The following SRPK1 variants were observed in gnomAD, a reference collection of about 807,000 sequenced individuals.
The protein encoded by SRPK1 is SFRS protein kinase 1.
Under a neutral mutation model 89.5 loss-of-function variants are expected in SRPK1, and 52 were observed. The observed-to-expected ratio is 0.58, with a 90% CI of 0.46 to 0.73. The LOEUF is 0.73. Among genes scored for constraint, SRPK1 ranks in the 30% least tolerant of loss-of-function variants. The pLI is 0.00. For missense variants in SRPK1, 603 were observed against 780.6 expected, an observed-to-expected ratio of 0.77 and a Z score of 2.71; for synonymous variants, 255 against 270.2, an observed-to-expected ratio of 0.94 and a Z score of 0.55.
chr6:35,849,898 A>G (rs1055235324), intron 13 of SRPK1, among the ~76,000 whole-genome samples: 8 of 152,212 alleles, frequency 5.3e-5, no homozygotes, highest in Non-Finnish European at 7.3e-5. Flanking sequence ...ATGGAAATTC[A>G]GTCATTTGCA....
chr6:35,918,247 T>C (rs1470653949), intron 2 of SRPK1, among the ~76,000 whole-genome samples: 2 of 152,212 alleles, frequency 1.3e-5, no homozygotes, highest in Admixed American at 6.5e-5. Flanking sequence ...ATGCCTGTAA[T>C]CCCAGCACTT....
chr6:35,901,903 C>A (rs1770748707), intron 2 of SRPK1, among the ~76,000 whole-genome samples: 1 of 152,106 alleles, frequency 6.6e-6, no homozygotes, highest in African/African-American at 2.4e-5. Context: ...AAATCTTAAG[C>A]TGGAACTAGG....
At chr6:35,916,521 T>G (rs1771106164) in intron 2 of SRPK1, among the ~76,000 whole-genome samples, 1 of 152,232 alleles carries the variant, frequency 6.6e-6, no homozygotes, top group East Asian at 1.9e-4. Flanking sequence ...AAGTATTTTC[T>G]CTTGTAAATT....
Position 35,832,987 on chromosome 6 carries a change from G to C in SRPK1, c.*2317C>G, listed in dbSNP as rs1414368713. 2.0e-5 allele frequency: 3 copies of C among 152,580 alleles called. No individual in the cohort carries two copies. The East Asian group carries it at 5.8e-4, about 29-fold the overall frequency. 9.5% of individuals were successfully genotyped at this position (152,580 alleles called of 1,614,324 possible). A position where few individuals can be genotyped will look rare whatever the true frequency, so the allele number is the denominator to read the frequency against. Reference sequence around the variant, plus strand: ...CCAATCTTTTCCTCCTTTTACTCAGGGCAGAGCAATTTGGACAACAAATGA... The same window carrying C: ...CCAATCTTTTCCTCCTTTTACTCAGCGCAGAGCAATTTGGACAACAAATGA... On this transcript the variant is annotated 3_prime_UTR_variant, in exon 16 of 16. Coordinates refer to ENST00000373825, the MANE Select transcript of SRPK1 (RefSeq NM_003137.5).
chr6:35,908,337 G>A (rs1299625857), intron 2 of SRPK1, among the ~76,000 whole-genome samples: 1 of 152,178 alleles, frequency 6.6e-6, no homozygotes, highest in African/African-American at 2.4e-5. Context: ...TGCTGATAGT[G>A]AGGTGAACAA....
intron 2 of SRPK1, among the ~76,000 whole-genome samples, chr6:35,913,969 C>CTCTTT (rs1771033769): frequency 3.2e-5 from 3 of 92,934 alleles, no homozygotes; most frequent in Non-Finnish European, 4.2e-5. Context: ...GATACTTTCT[C>CTCTTT]TTTTTTTTTT....
intron 6 of SRPK1, among the ~76,000 whole-genome samples, chr6:35,882,500 TAGAGAC>T (rs1770318148): frequency 6.6e-6 from 1 of 151,724 alleles, no homozygotes; most frequent in Non-Finnish European, 1.5e-5. Context: ...TTTATTTTTG[TAGAGAC>T]AGGGTCTTGC....
intron 2 of SRPK1, among the ~76,000 whole-genome samples, chr6:35,909,674 G>A (rs949029689): frequency 1.3e-5 from 2 of 152,342 alleles, no homozygotes; most frequent in African/African-American, 2.4e-5. Context: ...GAGAGACCAC[G>A]TGGGAGGTGA....
At chr6:35,865,881 C>T (rs1380894414) in intron 12 of SRPK1, among the ~76,000 whole-genome samples, 2 of 151,762 alleles carry the variant, frequency 1.3e-5, no homozygotes, top group African/African-American at 4.8e-5. Flanking sequence ...GGGACTTAAA[C>T]AAAAAAGCTT....
chr6:35,886,528 T>G (rs552374362), intron 6 of SRPK1, among the ~76,000 whole-genome samples, 196 bp downstream of exon 6: 43 of 152,320 alleles, frequency 2.8e-4, no homozygotes, highest in Non-Finnish European at 6.0e-4. Context: ...GACAAGAAGC[T>G]TAAAGCAATA....
At chr6:35,894,402 G>A (rs937972984) in intron 2 of SRPK1, among the ~76,000 whole-genome samples, 16 of 152,036 alleles carry the variant, frequency 1.1e-4, no homozygotes, top group East Asian at 5.8e-4. Flanking sequence ...CCATTATCCC[G>A]TAATATCTCT....
Position 35,838,035 on chromosome 6 carries a change from A to T in SRPK1, c.1783+302T>A, listed in dbSNP as rs755766994. ...AGGCGCCCGCCACTCTTCCCAGCTA[A>T]TTTTTTGTATTTTTAGTAGAGACGG... On this transcript the variant is annotated intron_variant, in intron 15 of 15. Coordinates refer to ENST00000373825, the MANE Select transcript of SRPK1 (RefSeq NM_003137.5). 3.8e-4 allele frequency among the ~76,000 whole-genome samples: 58 copies of T among 151,838 alleles called. 1 individual carries two copies. Among genetic ancestry groups the T allele is most frequent in the Non-Finnish European group, 7.4e-4 (50 of 67,938 alleles).
At chr6:35,882,103 A>ATAGTAG (rs1229277608) in intron 6 of SRPK1, among the ~76,000 whole-genome samples, 1 of 132,782 alleles carries the variant, frequency 7.5e-6, no homozygotes, top group Admixed American at 7.6e-5. Context: ...AGTAGTAGCA[A>ATAGTAG]TAGTAGTAGT....
intron 13 of SRPK1, among the ~76,000 whole-genome samples, chr6:35,855,393 T>C (rs371710874): frequency 1.3e-5 from 2 of 152,282 alleles, no homozygotes; most frequent in East Asian, 1.9e-4. Flanking sequence ...TCATCTCTAT[T>C]AGCTTTGAAG....
chr6:35,908,267 A>G (rs572777209), intron 2 of SRPK1, among the ~76,000 whole-genome samples: 35 of 152,364 alleles, frequency 2.3e-4, no homozygotes, highest in African/African-American at 8.2e-4. Flanking sequence ...GCTCAGAAGA[A>G]AACAGTAAGA....
intron 12 of SRPK1, among the ~76,000 whole-genome samples, chr6:35,857,665 G>A (rs1306262716): frequency 1.3e-5 from 2 of 152,088 alleles, no homozygotes; most frequent in Non-Finnish European, 2.9e-5. Flanking sequence ...ATGGGGTCTC[G>A]CTATGTTACC....
chr6:35,913,475 C>G (rs1771016599), intron 2 of SRPK1, among the ~76,000 whole-genome samples: 1 of 151,930 alleles, frequency 6.6e-6, no homozygotes, highest in African/African-American at 2.4e-5. Context: ...ACCTGGGCAA[C>G]AGAACAAGAC....
At chr6:35,906,613 A>G (rs1770853178) in intron 2 of SRPK1, among the ~76,000 whole-genome samples, 1 of 152,240 alleles carries the variant, frequency 6.6e-6, no homozygotes, top group South Asian at 2.1e-4. Context: ...GAAATTCCAT[A>G]GGCACAGAAA....
chr6:35,907,416 T>TG (rs1554157098), intron 2 of SRPK1, among the ~76,000 whole-genome samples: 2 of 152,054 alleles, frequency 1.3e-5, no homozygotes, highest in Non-Finnish European at 2.9e-5. Flanking sequence ...TAAAATAAGA[T>TG]GGAGTGAGGC....
Sources: allele counts gnomAD v4.1 joint callset (sites outside exome capture counted in the v4.1 genomes callset), GRCh38; gene constraint gnomAD v4.1.1; transcripts MANE v1.5; gene names NCBI Gene and HGNC (gene_info 2026-07-23, HGNC 2026-07-21).